The following MAP3K2 variants were observed in gnomAD, a reference collection of about 807,000 sequenced individuals.
The protein encoded by MAP3K2 is mitogen-activated protein kinase kinase kinase 2, also known as MAP/ERK kinase kinase 2.
Under a neutral mutation model 80.3 loss-of-function variants are expected in MAP3K2, and 24 were observed. The observed-to-expected ratio is 0.30, with a 90% CI of 0.22 to 0.42. The LOEUF (loss-of-function observed/expected upper bound fraction) is 0.42. Among genes scored for constraint, MAP3K2 ranks in the 10% least tolerant of loss-of-function variants. The pLI, the probability that MAP3K2 is intolerant of heterozygous loss-of-function variation, is 1.00. For synonymous variants in MAP3K2, 244 were observed against 253.7 expected, an observed-to-expected ratio of 0.96 and a Z score of 0.36; for missense variants, 608 against 750.1, an observed-to-expected ratio of 0.81 and a Z score of 2.21.
At chr2:127,334,390 T>C (rs1313124887) in intron 5 of MAP3K2, among the ~76,000 whole-genome samples, 1 of 152,238 alleles carries the variant, frequency 6.6e-6, no homozygotes, top group Non-Finnish European at 1.5e-5. Flanking sequence ...TAGGCTCCCC[T>C]ATAATCATCC....
intron 1 of MAP3K2, among the ~76,000 whole-genome samples, chr2:127,370,135 G>A (rs549773980): frequency 3.3e-5 from 5 of 152,310 alleles, no homozygotes; most frequent in East Asian, 1.9e-4. Context: ...GGCGCAGCAC[G>A]ACCATGTGAA....
intron 2 of MAP3K2, among the ~76,000 whole-genome samples, chr2:127,342,388 G>GGGGTGTGTGTGTGTGTGTGTGTGT (rs143219830): frequency 1.4e-5 from 2 of 147,744 alleles, no homozygotes; most frequent in African/African-American, 5.0e-5. Flanking sequence ...TCTTCATGAG[G>GGGGTGTGTGTGTGTGTGTGTGTGT]GTGTGTGTGT....
chr2:127,308,412 T>TAG (rs1329065473), intron 16 of MAP3K2, among the ~76,000 whole-genome samples, 173 bp downstream of exon 16: 1 of 152,216 alleles, frequency 6.6e-6, no homozygotes, highest in African/African-American at 2.4e-5. Context: ...TCTAACTATT[T>TAG]AGTCAATTAT....
Position 127,302,842 on chromosome 2 carries a change from T to C in MAP3K2, c.*4737A>G, listed in dbSNP as rs576820309. 44 of 152,280 alleles carry C rather than the reference T, an allele frequency of 2.9e-4. No homozygotes were observed. Among genetic ancestry groups the C allele is most frequent in the African/African-American group, 1.0e-3 (43 of 41,560 alleles). 9.4% of individuals were successfully genotyped at this position (152,280 alleles called of 1,614,324 possible). ...TCTAGTGGAAGCTGCAGCATGTCTA[T>C]CACAGACAAATCCTAATGTTTCTCT... On this transcript the variant is annotated 3_prime_UTR_variant, in exon 17 of 17. Transcript: ENST00000682094.
At chr2:127,329,846 G>A (rs947999977) in intron 7 of MAP3K2, 75 bp downstream of exon 7, 33 of 792,610 alleles carry the variant, frequency 4.2e-5, no homozygotes, top group Non-Finnish European at 4.4e-5. Flanking sequence ...ATATGTTTAG[G>A]TGCCACACTA....
chr2:127,317,690 T>C lies in MAP3K2; in HGVS notation c.1265A>G (p.Tyr422Cys). The change falls in exon 14 of 17, where the codon TAT (tyrosine) becomes TGT (cysteine). Residue 422 changes from tyrosine to cysteine, a missense_variant. By Grantham distance (194) the Tyr-to-Cys change is radical. Transcript: ENST00000682094. ...TTCCTGGGGATCCCTCAAACAGCCA[T>C]AATACTGAACAATTCGCTCATGTAG... ...NLLHERIVQY[Y>C]GCLRDPQEKT... is the part of the protein sequence containing the mutation. 6.3e-7 allele frequency: 1 copy of C among 1,596,696 alleles called. No homozygotes were observed. Among genetic ancestry groups the C allele is most frequent in the Non-Finnish European group, 8.5e-7 (1 of 1,170,456 alleles).
intron 1 of MAP3K2, among the ~76,000 whole-genome samples, chr2:127,367,936 C>A (rs554671539): frequency 1.7e-4 from 26 of 152,372 alleles, no homozygotes; most frequent in African/African-American, 6.0e-4. Context: ...TTAGGAGCAT[C>A]CAACTACAGT....
At chr2:127,318,467 G>T in intron 12 of MAP3K2, 150 bp from the exon 13 acceptor site, 1 of 555,232 alleles carries the variant, frequency 1.8e-6, no homozygotes, top group Non-Finnish European at 2.7e-6. Flanking sequence ...CACAGTTACC[G>T]TCTTTCAAAT....
chr2:127,360,821 C>A (rs115103488), intron 1 of MAP3K2, among the ~76,000 whole-genome samples: 1,781 of 152,228 alleles, frequency 0.012, 17 homozygotes, highest in South Asian at 0.022. Flanking sequence ...TCATTGGTTA[C>A]ATATATCCTA....
At chr2:127,371,319 G>A (rs1043545661) in intron 1 of MAP3K2, among the ~76,000 whole-genome samples, 9 of 152,156 alleles carry the variant, frequency 5.9e-5, no homozygotes, top group African/African-American at 1.2e-4. Flanking sequence ...CAGGGGAGGC[G>A]TCCCCATGCC....
intron 1 of MAP3K2, among the ~76,000 whole-genome samples, chr2:127,375,122 G>T (rs974104506): frequency 2.6e-5 from 4 of 152,286 alleles, no homozygotes; most frequent in Middle Eastern, 3.4e-3. Flanking sequence ...TTGTTAACGT[G>T]GGGGAGAGGA....
rs75515990 is a variant in MAP3K2 at position 127,332,166 on chromosome 2, C to G, written c.265-1661G>C. Among the ~76,000 whole-genome samples, 877 of 152,286 alleles carry G rather than the reference C, an allele frequency of 5.8e-3. 8 individuals carry two copies. The highest frequency in any genetic ancestry group is 0.02 in the African/African-American group (830 of 41,548). On this transcript the variant is annotated intron_variant, in intron 5 of 16. Transcript: ENST00000682094. ...AGCCTGATCTACTGATCTACTTAAA[C>G]ACATTTCTATTTCCCACCAATTATG...
Position 127,302,267 on chromosome 2 carries a change from T to C in MAP3K2, c.*5312A>G, listed in dbSNP as rs1422962104. ...ACAATCAATATTATTATACAATCATTTGTACTAGCTACTTCTGGAAAATGT... is the reference window on the plus strand; with the variant it reads ...ACAATCAATATTATTATACAATCATCTGTACTAGCTACTTCTGGAAAATGT... On this transcript the variant is annotated 3_prime_UTR_variant, in exon 17 of 17. Transcript: ENST00000682094. The C allele has an allele frequency of 2.0e-5, 3 of 152,154 alleles. No individual in the cohort carries two copies. Among genetic ancestry groups the C allele is most frequent in the Admixed American group, 1.3e-4 (2 of 15,270 alleles). The allele number at this position is 152,154 out of a possible 1,614,324, so 9.4% of individuals were successfully genotyped here.
intron 1 of MAP3K2, among the ~76,000 whole-genome samples, chr2:127,384,802 G>A (rs1404702488): frequency 2.0e-5 from 3 of 151,672 alleles, no homozygotes; most frequent in East Asian, 1.9e-4. Flanking sequence ...CACCACAACC[G>A]GCTAACCTCT....
chr2:127,364,534 A>G lies in MAP3K2; in HGVS notation c.-65-21340T>C, dbSNP rs529347203. On this transcript the variant is annotated intron_variant, in intron 1 of 16. Transcript: ENST00000682094. This position sits in a 1 kb window ranked among gnomAD's most constrained non-coding sequence, Gnocchi z 4.1. The stretch of plus-strand genomic sequence containing the variant: ...TGGACTGTCAGACGATGTGCTAGAC[A>G]TTTCACATACACTACCACCTAACCC... Among the ~76,000 whole-genome samples, 2 of 152,278 alleles carry G rather than the reference A, an allele frequency of 1.3e-5. No homozygotes were observed. The highest frequency in any genetic ancestry group is 3.9e-4 in the East Asian group (2 of 5,174).
At chr2:127,387,124 T>G (rs56033800) in intron 1 of MAP3K2, among the ~76,000 whole-genome samples, 5,166 of 152,286 alleles carry the variant, frequency 0.034, 126 homozygotes, top group Middle Eastern at 0.071. Context: ...AGACAAGCAC[T>G]TTTTCGCTTA....
chr2:127,336,906 CG>C (rs1686383184), intron 4 of MAP3K2, among the ~76,000 whole-genome samples: 1 of 151,886 alleles, frequency 6.6e-6, no homozygotes, highest in Admixed American at 6.6e-5. Flanking sequence ...TTTGGGAGGC[CG>C]GGGCGGGTGG....
At chr2:127,335,791 G>A (rs1558980353) in intron 5 of MAP3K2, 79 bp downstream of exon 5, 1 of 682,826 alleles carries the variant, frequency 1.5e-6, no homozygotes, top group Non-Finnish European at 2.4e-6. Flanking sequence ...ATAAAAACAC[G>A]AGTCTTAAAA....
At chr2:127,331,177 A>G (rs1025091850) in intron 5 of MAP3K2, among the ~76,000 whole-genome samples, 1 of 152,258 alleles carries the variant, frequency 6.6e-6, no homozygotes, top group Non-Finnish European at 1.5e-5. Flanking sequence ...GTTATAGAGG[A>G]CAAAAGCACC....
Sources: allele counts gnomAD v4.1 joint callset (sites outside exome capture counted in the v4.1 genomes callset), GRCh38; gene constraint gnomAD v4.1.1; non-coding constraint Gnocchi (gnomAD v3.1); transcripts MANE v1.5; gene names NCBI Gene and HGNC (gene_info 2026-07-23, HGNC 2026-07-21).